The following EEFSEC variants were observed in gnomAD, a reference collection of about 807,000 sequenced individuals.
EEFSEC encodes selenocysteine-specific elongation factor.
In EEFSEC, 43 loss-of-function variants were observed where a neutral mutation model predicts 42.1. That is an observed-to-expected ratio of 1.02 (90% CI 0.80 to 1.32). The LOEUF is 1.32. Among genes scored for constraint, EEFSEC ranks in the 40% most tolerant of loss-of-function variants. EEFSEC has a pLI of 0.00. For missense variants in EEFSEC, 745 were observed against 803.6 expected (o/e 0.93, Z 0.88); for synonymous variants, 354 against 339.1 (o/e 1.04, Z -0.48).
chr3:128,238,670 G>A (rs1225473258), intron 1 of EEFSEC, among the ~76,000 whole-genome samples: 1 of 152,162 alleles, frequency 6.6e-6, no homozygotes, highest in Non-Finnish European at 1.5e-5. Flanking sequence ...TTGTATTTTA[G>A]TAGAGACGGG....
intron 1 of EEFSEC, among the ~76,000 whole-genome samples, chr3:128,234,086 T>C (rs2065984976): frequency 2.0e-5 from 3 of 152,146 alleles, no homozygotes; most frequent in African/African-American, 7.2e-5. Flanking sequence ...AGAGTCTTGC[T>C]CTGTCGCCCA....
intron 4 of EEFSEC, among the ~76,000 whole-genome samples, chr3:128,272,886 G>A (rs2811533): frequency 0.84 from 127,451 of 152,116 alleles, 53,889 homozygotes; most frequent in East Asian, 0.99. Flanking sequence ...AAACTGAGAG[G>A]TATCCACTGG....
chr3:128,380,268 C>G (rs1297914407), intron 6 of EEFSEC, among the ~76,000 whole-genome samples: 1 of 152,260 alleles, frequency 6.6e-6, no homozygotes, highest in Admixed American at 6.5e-5. Context: ...CTTACCTCCC[C>G]TGTTATCCCA....
intron 4 of EEFSEC, among the ~76,000 whole-genome samples, chr3:128,314,732 G>A (rs1233670612): frequency 6.6e-6 from 1 of 152,194 alleles, no homozygotes; most frequent in East Asian, 1.9e-4. Context: ...TCTGTACCCA[G>A]TAGATATCTA....
chr3:128,154,586 A>AT (rs1944337870), intron 1 of EEFSEC, among the ~76,000 whole-genome samples: 1 of 151,704 alleles, frequency 6.6e-6, no homozygotes, highest in Non-Finnish European at 1.5e-5. Context: ...AGTAGCTGGG[A>AT]TTACAGGCGC....
At chr3:128,400,767 C>T (rs1177511157) in intron 6 of EEFSEC, among the ~76,000 whole-genome samples, 1 of 152,234 alleles carries the variant, frequency 6.6e-6, no homozygotes, top group African/African-American at 2.4e-5. Context: ...ATGGCCATGT[C>T]AGGGCGGCAC....
At chr3:128,387,439 C>T (rs748884159) in intron 6 of EEFSEC, among the ~76,000 whole-genome samples, 85 of 152,034 alleles carry the variant, frequency 5.6e-4, no homozygotes, top group Non-Finnish European at 7.2e-4. Context: ...TCCAGGCTCG[C>T]AAAAGTCGTG....
chr3:128,186,968 GGGACAGTGTCTGA>G (rs2107798196), intron 1 of EEFSEC, among the ~76,000 whole-genome samples: 1 of 152,300 alleles, frequency 6.6e-6, no homozygotes, highest in South Asian at 2.1e-4. Context: ...GCACACCCTA[GGGACAGTGTCTGA>G]GGACAGTGCT....
Position 128,358,361 on chromosome 3 carries a change from A to G in EEFSEC, c.1588A>G (p.Ile530Val), listed in dbSNP as rs1007489764. The G allele has an allele frequency of 6.2e-7, 1 of 1,614,170 alleles. No individual in the cohort carries two copies. The highest frequency in any genetic ancestry group is 8.5e-7 in the Non-Finnish European group (1 of 1,180,004). Residue 530 changes from isoleucine (I) to valine (V), a missense_variant, in exon 6 of 7, where the codon ATC becomes GTC. Ile to Val is a conservative substitution (Grantham distance 29, BLOSUM62 3). Transcript: ENST00000254730. ...SAFGQSGKFK[I>V]HIPGGLSPES... ...CTTCGGCCAGAGCGGCAAGTTCAAG[A>G]TCCACATCCCAGGTAAGTGCAGCCA... is the stretch of plus-strand genomic sequence containing the variant.
chr3:128,408,511 C>T lies in EEFSEC; in HGVS notation c.*252C>T. On this transcript the variant is annotated 3_prime_UTR_variant, in exon 7 of 7. Coordinates refer to ENST00000254730, the MANE Select transcript of EEFSEC (RefSeq NM_021937.5). ...GCCCCCAGCCCAACTAGGAAAGGGC[C>T]ATGGGCAGAGGGCTGGTAGCCAGTA... is the stretch of plus-strand genomic sequence containing the variant. The T allele has an allele frequency of 2.6e-6, 1 of 390,058 alleles. No homozygotes were observed. Among genetic ancestry groups the T allele is most frequent in the Middle Eastern group, 6.5e-4 (1 of 1,528 alleles). 24.2% of individuals were successfully genotyped at this position (390,058 alleles called of 1,614,324 possible). A position where few individuals can be genotyped will look rare whatever the true frequency, so the allele number is the denominator to read the frequency against.
In EEFSEC at chr3:128,257,072, A is replaced by G. The variant is rs142225538; in HGVS notation, c.525-5056A>G. ...GAATTTATGTTTTTGAAAGCTCTAG[A>G]GTTTGCTGATTTGGCAATAAGGAAA... On this transcript the variant is annotated intron_variant, in intron 2 of 6. Coordinates refer to ENST00000254730, the MANE Select transcript of EEFSEC (RefSeq NM_021937.5). 1.5e-3 allele frequency among the ~76,000 whole-genome samples: 232 copies of G among 152,236 alleles called. 3 individuals are homozygous for G. The highest frequency in any genetic ancestry group is 6.1e-3 in the Admixed American group (94 of 15,288).
In EEFSEC at chr3:128,341,265, C is replaced by T. The variant is rs1318978584; in HGVS notation, c.819C>T (p.Phe273=). The change falls in exon 5 of 7, where the codon TTC becomes TTT. Residue 273 remains phenylalanine, a synonymous_variant. Transcript: ENST00000254730. ...VVKKVKSMQM[F]HMPITSAMQG... ...AGAAGGTGAAGTCCATGCAGATGTT[C>T]CACATGCCCATCACTTCAGCCATGC... is the stretch of plus-strand genomic sequence containing the variant. 1 of 1,612,942 alleles carries T rather than the reference C, an allele frequency of 6.2e-7. No individual in the cohort carries two copies. The highest frequency in any genetic ancestry group is 8.5e-7 in the Non-Finnish European group (1 of 1,179,418).
chr3:128,414,560 G>A, the EEFSEC span, among the ~76,000 whole-genome samples: 615 of 152,192 alleles, frequency 4.0e-3, 5 homozygotes, highest in Middle Eastern at 0.02. Flanking sequence ...ATCCCTTCCC[G>A]GTTAATTACC....
At chr3:128,376,234 C>T (rs1461813356) in intron 6 of EEFSEC, among the ~76,000 whole-genome samples, 2 of 152,102 alleles carry the variant, frequency 1.3e-5, no homozygotes, top group Non-Finnish European at 2.9e-5. Flanking sequence ...AGGATGCACC[C>T]TTTTGCAACC....
chr3:128,397,327 A>G (rs1474287542), intron 6 of EEFSEC, among the ~76,000 whole-genome samples: 1 of 152,158 alleles, frequency 6.6e-6, no homozygotes, highest in African/African-American at 2.4e-5. Flanking sequence ...TGGGGCCTGG[A>G]TGGGAATCGC....
chr3:128,309,252 G>A (rs940599086), intron 4 of EEFSEC, among the ~76,000 whole-genome samples: 1 of 152,200 alleles, frequency 6.6e-6, no homozygotes, highest in Non-Finnish European at 1.5e-5. Flanking sequence ...CTGAACAGCT[G>A]TCAGCACCTG....
intron 1 of EEFSEC, among the ~76,000 whole-genome samples, chr3:128,177,400 C>A: frequency 7.1e-6 from 1 of 140,702 alleles, no homozygotes; most frequent in African/African-American, 2.6e-5. Context: ...GACACCACCC[C>A]CACCCCCACC....
chr3:128,234,805 T>C (rs1049059050), intron 1 of EEFSEC, among the ~76,000 whole-genome samples: 2 of 152,324 alleles, frequency 1.3e-5, no homozygotes, highest in East Asian at 3.9e-4. Flanking sequence ...GGGACGTCGA[T>C]CCCAGTGAGA....
intron 4 of EEFSEC, among the ~76,000 whole-genome samples, chr3:128,269,636 G>C (rs1431805495): frequency 1.3e-5 from 2 of 152,216 alleles, no homozygotes; most frequent in African/African-American, 4.8e-5. Context: ...GGGCTGGCCT[G>C]CGGAGCCTGC....
Sources: allele counts gnomAD v4.1 joint callset (sites outside exome capture counted in the v4.1 genomes callset), GRCh38; gene constraint gnomAD v4.1.1; transcripts MANE v1.5; gene names NCBI Gene and HGNC (gene_info 2026-07-23, HGNC 2026-07-21).